The following SEMA4A variants were observed in gnomAD, a reference collection of about 807,000 sequenced individuals.
SEMA4A encodes semaphorin-4A.
In SEMA4A, 52 loss-of-function variants were observed where a neutral mutation model predicts 72.5. That is an observed-to-expected ratio of 0.72 (90% CI 0.57 to 0.90). The LOEUF is 0.90. Ranked by LOEUF, SEMA4A falls within the 40% of genes least tolerant of loss-of-function variation. The pLI is 0.00. For synonymous variants in SEMA4A, 369 were observed against 393.1 expected (o/e 0.94, Z 0.73); for missense variants, 926 against 959.7 (o/e 0.96, Z 0.46).
intron 2 of SEMA4A, 74 bp from the exon 3 acceptor site, chr1:156,156,340 C>T (rs1048719265): frequency 6.8e-7 from 1 of 1,463,490 alleles, no homozygotes; most frequent in African/African-American, 1.4e-5. Context: ...TTCCCCTTCC[C>T]CCACTTTTAT....
chr1:156,176,884 G>A lies in SEMA4A; in HGVS notation c.2173G>A (p.Gly725Arg). Residue 725 changes from glycine to arginine, a missense_variant, in exon 15 of 15, where the codon GGG (glycine) becomes AGG (arginine). Coordinates refer to ENST00000368285, the MANE Select transcript of SEMA4A (RefSeq NM_022367.4). ...TCAGGGCTGTGAGACCCTGCGCCCT[G>A]GGGAGAAGGCCCCGTTAAGCAGAGA... The part of the protein sequence containing the change: ...KVQGCETLRP[G>R]EKAPLSREQH... 1 of 1,614,210 alleles carries A rather than the reference G, an allele frequency of 6.2e-7. No individual in the cohort carries two copies. The highest frequency in any genetic ancestry group is 8.5e-7 in the Non-Finnish European group (1 of 1,180,010).
intron 11 of SEMA4A, among the ~76,000 whole-genome samples, chr1:156,173,398 G>A (rs193278874): frequency 1.7e-4 from 26 of 152,296 alleles, no homozygotes; most frequent in Admixed American, 4.6e-4. Context: ...GCTGGAGCAC[G>A]GAGTGGGGCG....
intron 14 of SEMA4A, 34 bp downstream of exon 14, chr1:156,175,690 A>G: frequency 6.8e-7 from 1 of 1,473,062 alleles, no homozygotes; most frequent in Non-Finnish European, 9.4e-7. Flanking sequence ...GGGAGGTGCA[A>G]AGGCTCTGGA....
At chr1:156,159,375 A>T (rs1653366044) in intron 6 of SEMA4A, among the ~76,000 whole-genome samples, 1 of 152,050 alleles carries the variant, frequency 6.6e-6, no homozygotes. Flanking sequence ...AGAGAGAGAG[A>T]GGGAAGCCAG....
At chr1:156,173,104 A>G (rs1387062319) in intron 11 of SEMA4A, 98 bp downstream of exon 11, 2 of 1,248,614 alleles carry the variant, frequency 1.6e-6, no homozygotes, top group Non-Finnish European at 2.3e-6. Context: ...TTATTCATTC[A>G]ACAACTGTTT....
At chr1:156,149,913 G>T (rs1652395009), upstream of SEMA4A, 2 of 152,188 alleles carry the variant, frequency 1.3e-5, no homozygotes, top group South Asian at 4.1e-4. Flanking sequence ...GGAGGAGGAA[G>T]AATATGGGGA....
upstream of SEMA4A, among the ~76,000 whole-genome samples, chr1:156,149,339 A>G (rs1254929014): frequency 6.6e-6 from 1 of 152,168 alleles, no homozygotes; most frequent in African/African-American, 2.4e-5. Context: ...TCCTGTCTGA[A>G]GTCTGCTCTC....
upstream of SEMA4A, among the ~76,000 whole-genome samples, chr1:156,148,477 C>T (rs550908752): frequency 7.8e-4 from 118 of 152,230 alleles, no homozygotes; most frequent in Non-Finnish European, 1.5e-3. Context: ...AGCAAATGCT[C>T]AACCACCACC....
chr1:156,163,243 C>G lies in SEMA4A; in HGVS notation c.1134+149C>G, dbSNP rs542754467. The G allele has an allele frequency of 9.3e-6, 8 of 856,430 alleles. No homozygotes were observed. In the Admixed American group the frequency reaches 1.5e-4, roughly 16 times the overall value. The allele number at this position is 856,430 out of a possible 1,614,324, so 53.1% of individuals were successfully genotyped here. A position where few individuals can be genotyped will look rare whatever the true frequency, so the allele number is the denominator to read the frequency against. ...CTCAGACGTACACCTGGTATAGCTG[C>G]CTATATTCCACATGTGCCTAGCACC... On this transcript the variant is annotated intron_variant, in intron 10 of 14. Transcript: ENST00000368285.
chr1:156,160,760 C>T, intron 7 of SEMA4A, 145 bp from the exon 8 acceptor site: 1 of 1,234,088 alleles, frequency 8.1e-7, no homozygotes, highest in Non-Finnish European at 1.2e-6. Context: ...TCATCCCCAC[C>T]CCACATCGCT....
In SEMA4A at chr1:156,172,922, T is replaced by C; in HGVS notation, c.1231T>C (p.Ser411Pro). Residue 411 changes from serine (S) to proline (P), a missense_variant, in exon 11 of 15, where the codon TCT becomes CCT. Ser to Pro is a moderately conservative substitution (Grantham distance 74). Transcript: ENST00000368285. ...GGTGGGGACGCCCCTGCTGGTGAAA[T>C]CTGGCGTGGAGTATACACGGCTTGC... ...QVVGTPLLVK[S>P]GVEYTRLAVE... 6.2e-7 allele frequency: 1 copy of C among 1,614,088 alleles called. No individual in the cohort carries two copies. The highest frequency in any genetic ancestry group is 8.5e-7 in the Non-Finnish European group (1 of 1,179,998).
At chr1:156,165,577 A>G (rs1654075192) in intron 10 of SEMA4A, among the ~76,000 whole-genome samples, 1 of 152,154 alleles carries the variant, frequency 6.6e-6, no homozygotes, top group Non-Finnish European at 1.5e-5. Context: ...TCTAGCTTCC[A>G]GAGGTACTGT....
chr1:156,162,029 G>C (rs1985510), intron 9 of SEMA4A, among the ~76,000 whole-genome samples: 63,689 of 152,002 alleles, frequency 0.42, 13,599 homozygotes, highest in African/African-American at 0.49. Context: ...TTGGGAGGCC[G>C]AGGTGGGCAG....
Position 156,175,222 on chromosome 1 carries a change from G to T in SEMA4A, c.1571G>T (p.Cys524Phe). 1 of 1,613,218 alleles carries T rather than the reference G, an allele frequency of 6.2e-7. No individual in the cohort carries two copies. Among genetic ancestry groups the T allele is most frequent in the South Asian group, 1.1e-5 (1 of 91,058 alleles). Residue 524 changes from cysteine (C) to phenylalanine (F), a missense_variant, in exon 13 of 15, where the codon TGC becomes TTC. Cys to Phe is a radical substitution (Grantham distance 205). Transcript: ENST00000368285. Reference sequence around the variant, plus strand: ...TGGGACCCTGAGTCCCGAACCTGTTGCCTCCTGTCTGCCCCCAACCTGTGA... The same window carrying T: ...TGGGACCCTGAGTCCCGAACCTGTTTCCTCCTGTCTGCCCCCAACCTGTGA... ...CAWDPESRTC[C>F]LLSAPNLNSW...
chr1:156,151,649 A>G (rs1044552097), upstream of SEMA4A, among the ~76,000 whole-genome samples: 8 of 151,976 alleles, frequency 5.3e-5, no homozygotes, highest in Non-Finnish European at 7.4e-5. Context: ...CCTAGCCAGC[A>G]TGGTGAAACC....
chr1:156,150,710 C>A (rs553064636), upstream of SEMA4A, among the ~76,000 whole-genome samples: 1 of 152,084 alleles, frequency 6.6e-6, no homozygotes, highest in Non-Finnish European at 1.5e-5. Flanking sequence ...AGAGTCGGGG[C>A]GGGAAGCAAC....
At chr1:156,148,774 C>G (rs1380393615), upstream of SEMA4A, among the ~76,000 whole-genome samples, 4 of 151,660 alleles carry the variant, frequency 2.6e-5, no homozygotes, top group Non-Finnish European at 5.9e-5. Flanking sequence ...ACAGAGAGGC[C>G]AGCCTGGAAG....
At chr1:156,159,628 G>T (rs180918926) in intron 6 of SEMA4A, among the ~76,000 whole-genome samples, 2 of 152,162 alleles carry the variant, frequency 1.3e-5, no homozygotes, top group African/African-American at 2.4e-5. Flanking sequence ...AAGAAATCAG[G>T]CTGGGTGCAG....
chr1:156,175,684 G>T (rs1437202247), intron 14 of SEMA4A, 28 bp downstream of exon 14: 2 of 1,516,902 alleles, frequency 1.3e-6, no homozygotes. Flanking sequence ...CACCAGGGGA[G>T]GTGCAAAGGC....
Sources: allele counts gnomAD v4.1 joint callset (sites outside exome capture counted in the v4.1 genomes callset), GRCh38; gene constraint gnomAD v4.1.1; transcripts MANE v1.5; gene names NCBI Gene and HGNC (gene_info 2026-07-23, HGNC 2026-07-21).